Variants in VOPP1 observed in about 807,000 individuals in gnomAD.
VOPP1 encodes the protein WW domain binding protein VOPP1.
VOPP1 carries 8 observed loss-of-function variants against 23.5 expected under a neutral mutation model. That is an observed-to-expected ratio of 0.34 (90% CI 0.20 to 0.61). VOPP1 has a LOEUF of 0.61. Ranked by LOEUF, VOPP1 falls within the 20% of genes least tolerant of loss-of-function variation. The probability of loss-of-function intolerance (pLI) is 0.78; values close to 1 mark genes in which losing one functional copy is unlikely to be tolerated. For missense variants in VOPP1, 174 were observed against 238.1 expected, an observed-to-expected ratio of 0.73 and a Z score of 1.77; for synonymous variants, 83 against 97.3, an observed-to-expected ratio of 0.85 and a Z score of 0.86.
At chr7:55,553,772 C>T in intron 1 of VOPP1, 1 of 145,798 alleles carries the variant, frequency 6.9e-6, no homozygotes, top group Non-Finnish European at 1.5e-5. Context: ...CACACACACA[C>T]ACACACACAC....
chr7:55,518,434 G>C (rs904983109), intron 2 of VOPP1, among the ~76,000 whole-genome samples: 1 of 152,234 alleles, frequency 6.6e-6, no homozygotes, highest in African/African-American at 2.4e-5. Flanking sequence ...CAGGCAGCAG[G>C]GTTATGGAAT....
chr7:55,489,929 A>T (rs1194277416), intron 4 of VOPP1, among the ~76,000 whole-genome samples: 1 of 152,164 alleles, frequency 6.6e-6, no homozygotes, highest in Non-Finnish European at 1.5e-5. Context: ...AGACAACTTC[A>T]CTATGGGTAC....
intron 4 of VOPP1, among the ~76,000 whole-genome samples, chr7:55,445,202 TACAC>T (rs1036636091): frequency 1.3e-4 from 19 of 144,044 alleles, no homozygotes; most frequent in African/African-American, 3.0e-4. Context: ...TCACTTTCTC[TACAC>T]ACACACACAG....
chr7:55,521,867 C>G, intron 1 of VOPP1: 10 of 983,718 alleles, frequency 1.0e-5, no homozygotes, highest in Non-Finnish European at 1.2e-5. Flanking sequence ...AGGGAGCTCT[C>G]TATGCAGAGA....
At chr7:55,504,273 G>A (rs1562934948) in intron 2 of VOPP1, among the ~76,000 whole-genome samples, 1 of 152,188 alleles carries the variant, frequency 6.6e-6, no homozygotes, top group Non-Finnish European at 1.5e-5. Context: ...CCACAGAGCT[G>A]AGCCCGCAGC....
intron 1 of VOPP1, among the ~76,000 whole-genome samples, chr7:55,570,947 TA>T (rs1798331447): frequency 6.6e-6 from 1 of 151,814 alleles, no homozygotes; most frequent in Non-Finnish European, 1.5e-5. Flanking sequence ...ATCTCAAAAC[TA>T]AAGAAATAAA....
At chr7:55,572,076 A>C (rs1798382462) in intron 1 of VOPP1, among the ~76,000 whole-genome samples, 195 bp downstream of exon 1, 1 of 151,976 alleles carries the variant, frequency 6.6e-6, no homozygotes, top group Admixed American at 6.5e-5. Flanking sequence ...GAAGGCGCGG[A>C]CCGGGGCGGG....
At chr7:55,537,488 G>C in intron 1 of VOPP1, 11 of 1,536,104 alleles carry the variant, frequency 7.2e-6, no homozygotes, top group Non-Finnish European at 9.6e-6. Context: ...TGAACCACCA[G>C]CCGAGCAAGC....
chr7:55,568,352 G>T (rs1294791697), intron 1 of VOPP1, among the ~76,000 whole-genome samples: 1 of 152,194 alleles, frequency 6.6e-6, no homozygotes, highest in African/African-American at 2.4e-5. Context: ...CGGGATTACA[G>T]GCATGAGCCA....
intron 1 of VOPP1, among the ~76,000 whole-genome samples, chr7:55,551,777 C>T (rs140043377): frequency 0.011 from 1,675 of 152,152 alleles, 11 homozygotes; most frequent in Middle Eastern, 0.02. Flanking sequence ...GGGTGGCTCA[C>T]GCCTGTAATC....
chr7:55,461,652 G>A (rs1415874062), intron 4 of VOPP1, among the ~76,000 whole-genome samples: 3 of 152,080 alleles, frequency 2.0e-5, no homozygotes, highest in Non-Finnish European at 2.9e-5. Flanking sequence ...TCCTGACCTC[G>A]TGATCCACCC....
chr7:55,564,271 C>CACTT (rs531015582), intron 1 of VOPP1, among the ~76,000 whole-genome samples: 30,165 of 150,668 alleles, frequency 0.2, 3,359 homozygotes, highest in African/African-American at 0.28. Context: ...CTCTCTCGCT[C>CACTT]GCTTGCTCTC....
chr7:55,517,029 T>C (rs1363748957), intron 2 of VOPP1, among the ~76,000 whole-genome samples: 1 of 141,028 alleles, frequency 7.1e-6, no homozygotes, highest in East Asian at 2.3e-4. Flanking sequence ...AACCTCTGTC[T>C]CTGGGGCTCA....
intron 4 of VOPP1, among the ~76,000 whole-genome samples, chr7:55,463,979 G>A (rs1158391495): frequency 6.6e-6 from 1 of 152,196 alleles, no homozygotes; most frequent in African/African-American, 2.4e-5. Context: ...GGAGTGGATT[G>A]ATCACCAGGC....
intron 1 of VOPP1, among the ~76,000 whole-genome samples, chr7:55,538,840 C>G (rs1293653818): frequency 7.0e-6 from 1 of 142,332 alleles, no homozygotes; most frequent in African/African-American, 2.6e-5. Context: ...AAAGGAGAAA[C>G]AAGATGCAGA....
chr7:55,454,209 T>C (rs1421699946), intron 4 of VOPP1, among the ~76,000 whole-genome samples: 2 of 152,142 alleles, frequency 1.3e-5, no homozygotes, highest in East Asian at 3.9e-4. Flanking sequence ...TCTAAATGGA[T>C]AAATTTCTGG....
chr7:55,475,962 C>T (rs1417476962), intron 4 of VOPP1, among the ~76,000 whole-genome samples: 4 of 152,164 alleles, frequency 2.6e-5, no homozygotes, highest in African/African-American at 9.7e-5. Flanking sequence ...GGACTTGAAC[C>T]CAGTAGTGAA....
intron 4 of VOPP1, among the ~76,000 whole-genome samples, chr7:55,452,937 G>A (rs1055212778): frequency 2.6e-5 from 4 of 152,208 alleles, no homozygotes; most frequent in East Asian, 1.9e-4. Flanking sequence ...CCCCTAACTA[G>A]AGGGTTAGTC....
intron 1 of VOPP1, among the ~76,000 whole-genome samples, chr7:55,559,843 C>T (rs1247634617): frequency 1.3e-5 from 2 of 152,166 alleles, no homozygotes; most frequent in African/African-American, 2.4e-5. Flanking sequence ...AACCTCAGAA[C>T]GTGGCAATGG....
Sources: allele counts gnomAD v4.1 joint callset (sites outside exome capture counted in the v4.1 genomes callset), GRCh38; gene constraint gnomAD v4.1.1; transcripts MANE v1.5; gene names NCBI Gene and HGNC (gene_info 2026-07-23, HGNC 2026-07-21).